The following GOLGB1 variants were observed in gnomAD, a reference collection of about 807,000 sequenced individuals.
The protein encoded by GOLGB1 is golgin subfamily B member 1.
GOLGB1 carries 174 observed loss-of-function variants against 336.9 expected under a neutral mutation model. The ratio of observed to expected loss-of-function variants is 0.52; its 90% CI spans 0.46 to 0.59. GOLGB1 has a LOEUF of 0.59. Among genes scored for constraint, GOLGB1 ranks in the 20% least tolerant of loss-of-function variants. GOLGB1 has a pLI of 0.00. For synonymous variants in GOLGB1, 1,208 were observed against 1,289.2 expected (o/e 0.94, Z 1.35); for missense variants, 3,331 against 3,645.3 (o/e 0.91, Z 2.22).
intron 1 of GOLGB1, among the ~76,000 whole-genome samples, chr3:121,741,766 AG>A (rs35475484): frequency 0.34 from 51,430 of 151,948 alleles, 9,368 homozygotes; most frequent in Non-Finnish European, 0.42. Context: ...TCCACCAAAA[AG>A]GCTTAAAAGT....
rs146271119 is a variant in GOLGB1, at chr3:121,697,957, C to A, written c.2566G>T (p.Ala856Ser). 1.4e-4 allele frequency: 232 copies of A among 1,614,004 alleles called. No homozygotes were observed. Among genetic ancestry groups the A allele is most frequent in the Non-Finnish European group, 1.9e-4 (227 of 1,179,978 alleles). The stretch of plus-strand genomic sequence containing the variant: ...CTTGAGATATGCCTTACACGTTCTG[C>A]CCCCTCAAGCACTTCACTTTCCTTA... ...QNKESEVLEGAERVRHISSKV... is the reference protein window; with the variant it reads ...QNKESEVLEGSERVRHISSKV... Residue 856 changes from alanine to serine, a missense_variant, in exon 13 of 22, where the codon GCA (alanine) becomes TCA (serine). Coordinates refer to ENST00000614479, the MANE Select transcript of GOLGB1 (RefSeq NM_001366282.2).
chr3:121,743,703 C>G (rs1251399205), intron 1 of GOLGB1, among the ~76,000 whole-genome samples: 1 of 151,894 alleles, frequency 6.6e-6, no homozygotes, highest in East Asian at 1.9e-4. Context: ...AATAAGTCAC[C>G]AATGCTAAAA....
chr3:121,708,820 G>A (rs1025901363), intron 10 of GOLGB1, among the ~76,000 whole-genome samples: 1 of 151,872 alleles, frequency 6.6e-6, no homozygotes, highest in Non-Finnish European at 1.5e-5. Flanking sequence ...AAAAGAAGAA[G>A]GGAAAACAGA....
chr3:121,714,598 ATTG>A (rs1944616460), intron 10 of GOLGB1, among the ~76,000 whole-genome samples: 2 of 152,120 alleles, frequency 1.3e-5, no homozygotes. Flanking sequence ...TCCGATACAA[ATTG>A]TTAAGACCTT....
chr3:121,684,133 A>AAAAAAAAAAAAAAAAAAAAC (rs1941443021), intron 14 of GOLGB1, among the ~76,000 whole-genome samples: 1 of 147,174 alleles, frequency 6.8e-6, no homozygotes, highest in African/African-American at 2.5e-5. Context: ...GTCTCAAAAA[A>AAAAAAAAAAAAAAAAAAAAC]AAAAAAAAAA....
intron 5 of GOLGB1, among the ~76,000 whole-genome samples, chr3:121,724,812 G>A (rs1344111246): frequency 1.2e-4 from 18 of 152,166 alleles, no homozygotes; most frequent in Non-Finnish European, 2.9e-5. Flanking sequence ...AGGACAGAAT[G>A]GTTTCTGTGA....
At chr3:121,721,116 A>G (rs1031585535) in intron 6 of GOLGB1, among the ~76,000 whole-genome samples, 21 of 152,174 alleles carry the variant, frequency 1.4e-4, no homozygotes, top group Non-Finnish European at 2.6e-4. Flanking sequence ...AAAAATAAAT[A>G]AAAAATTTAA....
At chr3:121,676,161 T>G (rs185765148) in intron 17 of GOLGB1, among the ~76,000 whole-genome samples, 1 of 152,370 alleles carries the variant, frequency 6.6e-6, no homozygotes, top group South Asian at 2.1e-4. Context: ...ATTTAATAAG[T>G]ACCCTCTACA....
intron 14 of GOLGB1, among the ~76,000 whole-genome samples, chr3:121,685,773 G>A (rs965495868): frequency 1.3e-5 from 2 of 152,150 alleles, no homozygotes; most frequent in African/African-American, 4.8e-5. Context: ...AAGAAATGGG[G>A]TTGAGGTAGT....
chr3:121,671,640 T>C (rs1939552494), intron 17 of GOLGB1, among the ~76,000 whole-genome samples: 1 of 152,238 alleles, frequency 6.6e-6, no homozygotes, highest in African/African-American at 2.4e-5. Flanking sequence ...TCCTTTACGC[T>C]AGAAGCATTT....
At chr3:121,673,339 G>A (rs1192933035) in intron 17 of GOLGB1, among the ~76,000 whole-genome samples, 1 of 148,708 alleles carries the variant, frequency 6.7e-6, no homozygotes, top group Non-Finnish European at 1.5e-5. Context: ...AAAGTGCTGG[G>A]ATTACAGGCA....
At chr3:121,722,222 G>C (rs376700118) in intron 6 of GOLGB1, 40 bp downstream of exon 6, 1 of 1,114,448 alleles carries the variant, frequency 9.0e-7, no homozygotes, top group South Asian at 1.3e-5. Context: ...TAACCCACTG[G>C]ACTTCATAGC....
At chr3:121,681,586 G>C in intron 15 of GOLGB1, 101 bp downstream of exon 15, 1 of 788,264 alleles carries the variant, frequency 1.3e-6, no homozygotes, top group East Asian at 2.5e-5. Context: ...CTGGGTGAAG[G>C]GTACATAGAA....
chr3:121,717,827 G>T (rs534404136), intron 8 of GOLGB1, among the ~76,000 whole-genome samples: 1 of 152,298 alleles, frequency 6.6e-6, no homozygotes, highest in African/African-American at 2.4e-5. Flanking sequence ...AAGTATTTTA[G>T]TTTTCCATTT....
At chr3:121,727,316 ATATATTTTTTTTT>A (rs1167636808) in intron 4 of GOLGB1, among the ~76,000 whole-genome samples, 7 of 36,092 alleles carry the variant, frequency 1.9e-4, no homozygotes, top group African/African-American at 5.4e-4. Flanking sequence ...ATATATATAT[ATATATTTTTTTTT>A]TTTTTTTTTT....
In GOLGB1 at chr3:121,669,273, T is replaced by C. The variant is rs748828340; in HGVS notation, c.9260A>G (p.His3087Arg). The stretch of plus-strand genomic sequence containing the variant: ...ACAGTGATTTAAAAGGTCACCATAG[T>C]GCTGCTGGTTCTCACGAAGACTCTG... ...TSQSLRENQQ[H>R]YGDLLNHCAV... Residue 3087 changes from histidine to arginine, a missense_variant, in exon 18 of 22, where the codon CAC becomes CGC. By Grantham distance (29) the His-to-Arg change is conservative. Coordinates refer to ENST00000614479, the MANE Select transcript of GOLGB1 (RefSeq NM_001366282.2). 6.2e-7 allele frequency: 1 copy of C among 1,613,988 alleles called. No individual in the cohort carries two copies. The highest frequency in any genetic ancestry group is 1.1e-5 in the South Asian group (1 of 91,076).
chr3:121,738,685 AT>A (rs1347050868), intron 1 of GOLGB1, among the ~76,000 whole-genome samples: 7 of 152,328 alleles, frequency 4.6e-5, no homozygotes, highest in African/African-American at 1.7e-4. Context: ...CTGGACCTTT[AT>A]TAATTCTCAG....
intron 15 of GOLGB1, among the ~76,000 whole-genome samples, chr3:121,681,460 A>C (rs948131243): frequency 1.3e-5 from 2 of 152,230 alleles, no homozygotes; most frequent in African/African-American, 4.8e-5. Flanking sequence ...ACAGATAGTC[A>C]AATCAGTGCA....
chr3:121,696,526 T>C lies in GOLGB1; in HGVS notation c.3997A>G (p.Thr1333Ala), dbSNP rs373554282. Residue 1333 changes from threonine to alanine, a missense_variant, in exon 13 of 22, where the codon ACA becomes GCA. Transcript: ENST00000614479. ...KVELELKVSS[T>A]TSELTKKSEE... Reference sequence around the variant, plus strand: ...GATTTTTTAGTAAGCTCACTTGTTGTAGAACTAACTTTCAATTCTAACTCT... The same window carrying C: ...GATTTTTTAGTAAGCTCACTTGTTGCAGAACTAACTTTCAATTCTAACTCT... The C allele has an allele frequency of 2.5e-6, 4 of 1,614,190 alleles. No individual in the cohort carries two copies. In the South Asian group the frequency reaches 4.4e-5, roughly 18 times the overall value.
Sources: allele counts gnomAD v4.1 joint callset (sites outside exome capture counted in the v4.1 genomes callset), GRCh38; gene constraint gnomAD v4.1.1; transcripts MANE v1.5; gene names NCBI Gene and HGNC (gene_info 2026-07-23, HGNC 2026-07-21).